The following KPNA4 variants were observed in gnomAD, a reference collection of about 807,000 sequenced individuals.
KPNA4 encodes the protein importin subunit alpha-3.
KPNA4 carries 13 observed loss-of-function variants against 71.3 expected under a neutral mutation model. The ratio of observed to expected loss-of-function variants is 0.18; its 90% CI spans 0.12 to 0.29. The LOEUF (loss-of-function observed/expected upper bound fraction) is 0.29. Ranked by LOEUF, KPNA4 falls within the 10% of genes least tolerant of loss-of-function variation. The pLI is 1.00. For synonymous variants in KPNA4, 189 were observed against 195.2 expected, an observed-to-expected ratio of 0.97 and a Z score of 0.26; for missense variants, 334 against 603.2, an observed-to-expected ratio of 0.55 and a Z score of 4.67.
rs1721446805 is a variant in KPNA4, at chr3:160,525,811, T to C, written c.760A>G (p.Thr254Ala). The stretch of plus-strand genomic sequence containing the variant: ...ACACATTTACTCACATTTACATCTG[T>C]GTGATGAATTAAAACACAAAGGGCT... ...LPALCVLIHH[T>A]DVNILVDTVW... The change falls in exon 10 of 17, where the codon ACA (threonine) becomes GCA (alanine). Residue 254 changes from threonine to alanine, a missense_variant. Transcript: ENST00000334256. The C allele has an allele frequency of 6.4e-7, 1 of 1,566,132 alleles. No individual in the cohort carries two copies. Among genetic ancestry groups the C allele is most frequent in the African/African-American group, 1.4e-5 (1 of 73,530 alleles).
intron 13 of KPNA4, among the ~76,000 whole-genome samples, chr3:160,511,070 G>T (rs1466981516): frequency 6.6e-6 from 1 of 151,116 alleles, no homozygotes; most frequent in Non-Finnish European, 1.5e-5. Context: ...GATTACACGT[G>T]TGAGCCACTG....
chr3:160,553,641 T>C (rs559782287), intron 1 of KPNA4, among the ~76,000 whole-genome samples: 13 of 152,250 alleles, frequency 8.5e-5, no homozygotes, highest in African/African-American at 2.9e-4. Flanking sequence ...AAAAGCCTAG[T>C]TCAAAACAAG....
chr3:160,528,166 T>A (rs1721498802), intron 7 of KPNA4, 127 bp from the exon 8 acceptor site: 1 of 541,872 alleles, frequency 1.8e-6, no homozygotes, highest in Non-Finnish European at 3.3e-6. Context: ...TATAACCTCA[T>A]TAAATGAATT....
Position 160,535,931 on chromosome 3 carries a change from CAG to C in KPNA4, c.115-36_115-35del, listed in dbSNP as rs760195616. Reference sequence around the variant, plus strand: ...AAAAAAAAAAAAAAAAAAAACCAAACAGAGAATTTGAGTTAAAAAGAAAACCT... The same window carrying C: ...AAAAAAAAAAAAAAAAAAAACCAAACAGAATTTGAGTTAAAAAGAAAACCT... On this transcript the variant is annotated intron_variant, in intron 2 of 16. Transcript: ENST00000334256. 1.2e-5 allele frequency: 11 copies of C among 900,374 alleles called. No individual in the cohort carries two copies. In the East Asian group the frequency reaches 1.7e-4, roughly 14 times the overall value. The allele number at this position is 900,374 out of a possible 1,614,324, so 55.8% of individuals were successfully genotyped here.
At chr3:160,526,702 T>C (rs1445639785) in intron 8 of KPNA4, among the ~76,000 whole-genome samples, 2 of 152,240 alleles carry the variant, frequency 1.3e-5, no homozygotes, top group Non-Finnish European at 2.9e-5. Context: ...GTTTAATTTC[T>C]GTATCTGAAG....
Position 160,502,146 on chromosome 3 carries a change from G to A in KPNA4, c.1524C>T (p.Phe508=), listed in dbSNP as rs746185517. The change falls in exon 17 of 17, where the codon TTC becomes TTT. Residue 508 remains phenylalanine (F), a synonymous_variant. Coordinates refer to ENST00000334256, the MANE Select transcript of KPNA4 (RefSeq NM_002268.5). ...CTGTTGGTACATTGGCAGATGAATTGAAACCAAATGTTCCGCCTTGAATTG... is the reference window on the plus strand; with the variant it reads ...CTGTTGGTACATTGGCAGATGAATTAAAACCAAATGTTCCGCCTTGAATTG... ...PEAIQGGTFG[F]NSSANVPTEG... The A allele has an allele frequency of 6.3e-7, 1 of 1,598,204 alleles. No individual in the cohort carries two copies. Among genetic ancestry groups the A allele is most frequent in the Non-Finnish European group, 8.5e-7 (1 of 1,170,294 alleles).
At chr3:160,519,520 C>T (rs562968463) in intron 11 of KPNA4, among the ~76,000 whole-genome samples, 396 of 152,122 alleles carry the variant, frequency 2.6e-3, no homozygotes, top group Non-Finnish European at 4.6e-3. Context: ...GGCGGCCGGG[C>T]GCGGTGGCTC....
intron 8 of KPNA4, among the ~76,000 whole-genome samples, chr3:160,526,996 G>T (rs1721473827): frequency 6.6e-6 from 1 of 152,128 alleles, no homozygotes; most frequent in Admixed American, 6.6e-5. Flanking sequence ...GGTTTACAGA[G>T]AAATTCTCCC....
chr3:160,550,189 CTTTCA>C (rs1179479440), intron 1 of KPNA4, among the ~76,000 whole-genome samples: 2 of 152,170 alleles, frequency 1.3e-5, no homozygotes, highest in African/African-American at 4.8e-5. Flanking sequence ...ATTTGGATGT[CTTTCA>C]TTTCTTTTTC....
rs560682584 is a variant in KPNA4, at chr3:160,546,636, G to T, written c.70-9796C>A. Among the ~76,000 whole-genome samples the T allele has an allele frequency of 1.2e-4, 18 of 152,244 alleles. No homozygotes were observed. In the South Asian group the frequency reaches 3.5e-3, roughly 30 times the overall value. ...TCAAATAAGATGAGGATTACTAAACGTACATTTACTTTATAAACTAATATG... is the reference window on the plus strand; with the variant it reads ...TCAAATAAGATGAGGATTACTAAACTTACATTTACTTTATAAACTAATATG... On this transcript the variant is annotated intron_variant, in intron 1 of 16. Coordinates refer to ENST00000334256, the MANE Select transcript of KPNA4 (RefSeq NM_002268.5).
chr3:160,563,032 T>C lies in KPNA4; in HGVS notation c.69+2182A>G, dbSNP rs555622802. 4.6e-5 allele frequency among the ~76,000 whole-genome samples: 7 copies of C among 152,320 alleles called. No individual in the cohort carries two copies. In the South Asian group the frequency reaches 1.0e-3, roughly 23 times the overall value. ...TCTAGCAATTCTATTCCTAGGTATATAGCCAAGAGAAATAAAACATACATC... is the reference window on the plus strand; with the variant it reads ...TCTAGCAATTCTATTCCTAGGTATACAGCCAAGAGAAATAAAACATACATC... On this transcript the variant is annotated intron_variant, in intron 1 of 16. Coordinates refer to ENST00000334256, the MANE Select transcript of KPNA4 (RefSeq NM_002268.5).
chr3:160,525,245 G>C (rs949409804), intron 10 of KPNA4, among the ~76,000 whole-genome samples: 1 of 152,124 alleles, frequency 6.6e-6, no homozygotes, highest in Non-Finnish European at 1.5e-5. Flanking sequence ...TGAAGCCACT[G>C]CCAGTCACTG....
chr3:160,514,213 T>C (rs1246736447), intron 12 of KPNA4, 32 bp from the exon 13 acceptor site: 1 of 1,501,936 alleles, frequency 6.7e-7, no homozygotes, highest in Admixed American at 2.1e-5. Context: ...ATATTTCTCA[T>C]TAAAAAATAA....
chr3:160,557,803 T>G (rs941725756), intron 1 of KPNA4, among the ~76,000 whole-genome samples: 2 of 151,944 alleles, frequency 1.3e-5, no homozygotes, highest in Non-Finnish European at 2.9e-5. Flanking sequence ...GCCTCCTAAA[T>G]AGGTATGACT....
chr3:160,533,339 AAT>A (rs969069922), intron 5 of KPNA4, among the ~76,000 whole-genome samples: 2 of 152,242 alleles, frequency 1.3e-5, no homozygotes, highest in Admixed American at 6.5e-5. Flanking sequence ...TATTTTTTAA[AAT>A]ACAGTTTTGC....
Position 160,535,019 on chromosome 3 carries a change from G to GCCGTC in KPNA4, c.287+489_287+493dup, listed in dbSNP as rs574156241. Reference sequence around the variant, plus strand: ...TTACAGGTGTGAGCCACCTCGCCCGGCCGTCATTAATCTTAATCTACATCT... The same window carrying GCCGTC: ...TTACAGGTGTGAGCCACCTCGCCCGGCCGTCCCGTCATTAATCTTAATCTACATCT... On this transcript the variant is annotated intron_variant, in intron 5 of 16. Transcript: ENST00000334256. Among the ~76,000 whole-genome samples, 368 of 152,056 alleles carry GCCGTC rather than the reference G, an allele frequency of 2.4e-3. 4 individuals are homozygous for GCCGTC. Among genetic ancestry groups the GCCGTC allele is most frequent in the African/African-American group, 8.4e-3 (349 of 41,496 alleles).
intron 11 of KPNA4, among the ~76,000 whole-genome samples, chr3:160,520,469 G>C (rs2108548289): frequency 6.6e-6 from 1 of 151,212 alleles, no homozygotes; most frequent in East Asian, 1.9e-4. Flanking sequence ...CACCATGTTG[G>C]CCAGGATGGT....
At chr3:160,515,687 TCA>T in intron 11 of KPNA4, 107 bp from the exon 12 acceptor site, 1 of 1,256,018 alleles carries the variant, frequency 8.0e-7, no homozygotes, top group South Asian at 1.4e-5. Flanking sequence ...CGATCTCAGC[TCA>T]CTGTAACCTC....
chr3:160,530,084 G>A lies in KPNA4; in HGVS notation c.469+771C>T, dbSNP rs531481137. Reference sequence around the variant, plus strand: ...CGGGAGGTGGAGCTTGCAGTGAGCCGAGATCGCATCACTGCACTCCAGCCT... The same window carrying A: ...CGGGAGGTGGAGCTTGCAGTGAGCCAAGATCGCATCACTGCACTCCAGCCT... On this transcript the variant is annotated intron_variant, in intron 7 of 16. Transcript: ENST00000334256. Among the ~76,000 whole-genome samples, 8 of 139,916 alleles carry A rather than the reference G, an allele frequency of 5.7e-5. No individual in the cohort carries two copies. In the East Asian group the frequency reaches 1.5e-3, roughly 26 times the overall value. 91.8% of individuals were successfully genotyped at this position (139,916 alleles called of 152,430 possible).
Sources: gnomAD v4.1 joint callset for allele counts (sites outside exome capture counted in the v4.1 genomes callset) on GRCh38, gnomAD v4.1.1 for gene constraint, MANE v1.5 for transcripts, NCBI Gene and HGNC (gene_info 2026-07-23, HGNC 2026-07-21) for gene names.